Variants in RBFOX1 observed in about 807,000 individuals in gnomAD.
RBFOX1 encodes RNA binding fox-1 homolog 1, also known as RNA binding protein fox-1 homolog 1.
Under a neutral mutation model 57.7 loss-of-function variants are expected in RBFOX1, and 8 were observed. The ratio of observed to expected loss-of-function variants is 0.14; its 90% CI spans 0.08 to 0.25. The LOEUF is 0.25. Among genes scored for constraint, RBFOX1 ranks in the 10% least tolerant of loss-of-function variants. The pLI is 1.00. For missense variants in RBFOX1, 611 were observed against 548.5 expected (o/e 1.11, Z -1.14); for synonymous variants, 326 against 222.4 (o/e 1.47, Z -4.15).
chr16:5,672,021 G>A (rs1450169238), intron 3 of RBFOX1, among the ~76,000 whole-genome samples: 4 of 152,182 alleles, frequency 2.6e-5, no homozygotes, highest in Non-Finnish European at 4.4e-5. Context: ...AATGGGTGGA[G>A]AGATTTGCAT....
chr16:6,581,225 C>A (rs2097533066), intron 2 of RBFOX1, among the ~76,000 whole-genome samples: 1 of 152,164 alleles, frequency 6.6e-6, no homozygotes, highest in Admixed American at 6.5e-5. Context: ...CCCAGGGAAG[C>A]TTTCCCTTTG....
intron 4 of RBFOX1, among the ~76,000 whole-genome samples, chr16:7,397,887 A>T (rs577056902): frequency 5.3e-4 from 81 of 152,276 alleles, no homozygotes; most frequent in African/African-American, 1.9e-3. Flanking sequence ...TCTCATCTGT[A>T]AAACAGATGA....
chr16:6,369,292 G>A (rs2152888451), intron 2 of RBFOX1, among the ~76,000 whole-genome samples: 1 of 152,248 alleles, frequency 6.6e-6, no homozygotes, highest in South Asian at 2.1e-4. Context: ...AATTTTAAGG[G>A]ATTGAATTAT....
At chr16:5,816,753 T>C (rs7199633) in intron 3 of RBFOX1, among the ~76,000 whole-genome samples, 105,355 of 152,098 alleles carry the variant, frequency 0.69, 36,652 homozygotes, top group African/African-American at 0.72. Context: ...CACTGTACTC[T>C]AGCCTGGGTA....
intron 14 of RBFOX1, among the ~76,000 whole-genome samples, chr16:7,700,725 C>T (rs890738902): frequency 2.0e-5 from 3 of 152,188 alleles, no homozygotes; most frequent in African/African-American, 7.2e-5. Flanking sequence ...AGAATTTCAT[C>T]ACCAAAAGTG....
intron 1 of RBFOX1, among the ~76,000 whole-genome samples, chr16:5,341,093 C>G (rs540631955): frequency 1.3e-5 from 2 of 152,108 alleles, no homozygotes; most frequent in African/African-American, 4.8e-5. Context: ...GAGGCAGGAA[C>G]AAGCTTGGTG....
chr16:7,607,669 G>C (rs1167531141), intron 10 of RBFOX1, among the ~76,000 whole-genome samples: 1 of 152,120 alleles, frequency 6.6e-6, no homozygotes, highest in Non-Finnish European at 1.5e-5. Flanking sequence ...ATTTCAATGT[G>C]CCTGAATGTG....
chr16:6,537,101 C>G (rs371730037), intron 2 of RBFOX1, among the ~76,000 whole-genome samples: 1 of 152,018 alleles, frequency 6.6e-6, no homozygotes, highest in Non-Finnish European at 1.5e-5. Context: ...TTCCTTCCAG[C>G]GTTCCATACC....
At chr16:6,721,128 G>A (rs1019798622) in intron 3 of RBFOX1, among the ~76,000 whole-genome samples, 12 of 150,758 alleles carry the variant, frequency 8.0e-5, no homozygotes, top group African/African-American at 2.9e-4. Flanking sequence ...TGTAATTGTG[G>A]TAAAGTACAC....
chr16:6,428,321 C>G (rs1482932184), intron 2 of RBFOX1, among the ~76,000 whole-genome samples: 1 of 150,936 alleles, frequency 6.6e-6, no homozygotes, highest in Non-Finnish European at 1.5e-5. Context: ...TGCTCGATGC[C>G]TAGTTAGCAT....
intron 2 of RBFOX1, among the ~76,000 whole-genome samples, chr16:6,539,014 G>T (rs1446081668): frequency 6.6e-6 from 1 of 151,876 alleles, no homozygotes; most frequent in African/African-American, 2.4e-5. Flanking sequence ...TATTTTTACT[G>T]TCTCATGTGG....
In RBFOX1 at chr16:7,091,950, C is replaced by A. The variant is rs183916913; in HGVS notation, c.27+39852C>A. On this transcript the variant is annotated intron_variant, in intron 4 of 15. Coordinates refer to ENST00000550418, the MANE Select transcript of RBFOX1 (RefSeq NM_018723.4). ...TCTTTCAGGACAGAAACAACATCTG[C>A]CCATTTTGTTTGACATTCTCTTTTC... 5.3e-5 allele frequency among the ~76,000 whole-genome samples: 8 copies of A among 152,258 alleles called. No homozygotes were observed. In the East Asian group the frequency reaches 1.5e-3, roughly 29 times the overall value.
Position 6,665,006 on chromosome 16 carries a change from A to G in RBFOX1, c.-16+10356A>G, listed in dbSNP as rs186703898. ...TGCCGCATTAGTCAGGGCATTTTCA[A>G]TTGTCATAGAAAATGAAGTCAGACT... On this transcript the variant is annotated intron_variant, in intron 3 of 15. Coordinates refer to ENST00000550418, the MANE Select transcript of RBFOX1 (RefSeq NM_018723.4). 1.6e-3 allele frequency among the ~76,000 whole-genome samples: 237 copies of G among 152,276 alleles called. 1 individual carries two copies. Among genetic ancestry groups the G allele is most frequent in the African/African-American group, 5.5e-3 (229 of 41,562 alleles).
At chr16:5,756,278 A>G (rs1204558714) in intron 3 of RBFOX1, among the ~76,000 whole-genome samples, 1 of 151,266 alleles carries the variant, frequency 6.6e-6, no homozygotes, top group Non-Finnish European at 1.5e-5. Flanking sequence ...GTGTATGGAC[A>G]TATGAAATGC....
chr16:7,049,523 C>T (rs1416623415), intron 3 of RBFOX1, among the ~76,000 whole-genome samples: 1 of 152,102 alleles, frequency 6.6e-6, no homozygotes, highest in African/African-American at 2.4e-5. Context: ...ACTCATCTGT[C>T]TTGTTTTTCA....
intron 4 of RBFOX1, among the ~76,000 whole-genome samples, chr16:7,114,297 G>T (rs2065415604): frequency 6.6e-6 from 1 of 152,134 alleles, no homozygotes; most frequent in African/African-American, 2.4e-5. Flanking sequence ...TATTCAAACT[G>T]CAATGAAAAA....
intron 4 of RBFOX1, among the ~76,000 whole-genome samples, chr16:7,145,344 G>T (rs935750489): frequency 6.6e-6 from 1 of 152,032 alleles, no homozygotes; most frequent in Non-Finnish European, 1.5e-5. Context: ...AGCTGGGATT[G>T]CAGGCATGCA....
chr16:7,048,741 T>G lies in RBFOX1; in HGVS notation c.-15-3316T>G, dbSNP rs1297525107. Among the ~76,000 whole-genome samples the G allele has an allele frequency of 2.0e-5, 3 of 151,860 alleles. No individual in the cohort carries two copies. The East Asian group carries it at 5.8e-4, about 30-fold the overall frequency. On this transcript the variant is annotated intron_variant, in intron 3 of 15. Transcript: ENST00000550418. Reference sequence around the variant, plus strand: ...TGGTGTCTGTGAATGTCTTTTCCCATGCAAATTTAGATTTTCTTGGTTCCT... The same window carrying G: ...TGGTGTCTGTGAATGTCTTTTCCCAGGCAAATTTAGATTTTCTTGGTTCCT...
chr16:5,277,727 T>C (rs967077927), intron 1 of RBFOX1, among the ~76,000 whole-genome samples: 3 of 152,214 alleles, frequency 2.0e-5, no homozygotes, highest in Non-Finnish European at 4.4e-5. Flanking sequence ...CCTAAGCTGC[T>C]CATATAAGTG....
Sources: allele counts gnomAD v4.1 joint callset (sites outside exome capture counted in the v4.1 genomes callset), GRCh38; gene constraint gnomAD v4.1.1; transcripts MANE v1.5; gene names NCBI Gene and HGNC (gene_info 2026-07-23, HGNC 2026-07-21).